The following FAM227B variants were observed in gnomAD, a reference collection of about 807,000 sequenced individuals.
The protein encoded by FAM227B is protein FAM227B.
Under a neutral mutation model 73.8 loss-of-function variants are expected in FAM227B, and 88 were observed. The observed-to-expected ratio is 1.19, with a 90% CI of 1.00 to 1.42. FAM227B has a LOEUF of 1.42. FAM227B is among the 40% of genes most tolerant of loss of function. FAM227B has a pLI of 0.00. For synonymous variants in FAM227B, 210 were observed against 190.5 expected, an observed-to-expected ratio of 1.10 and a Z score of -0.84; for missense variants, 632 against 590.9, an observed-to-expected ratio of 1.07 and a Z score of -0.72.
At chr15:49,577,165 C>T in intron 6 of FAM227B, 1 of 283,028 alleles carries the variant, frequency 3.5e-6, no homozygotes, top group Non-Finnish European at 6.9e-6. Flanking sequence ...GGCGTGGTGG[C>T]ACGTGCCTGT....
At chr15:49,364,486 C>G (rs1175806903) in intron 13 of FAM227B, among the ~76,000 whole-genome samples, 6 of 151,580 alleles carry the variant, frequency 4.0e-5, no homozygotes, top group Non-Finnish European at 8.9e-5. Context: ...GTGTTTATTT[C>G]TATATATTAT....
At chr15:49,516,176 G>T (rs2059365609) in intron 10 of FAM227B, among the ~76,000 whole-genome samples, 1 of 151,910 alleles carries the variant, frequency 6.6e-6, no homozygotes, top group Admixed American at 6.6e-5. Context: ...ATAGAGTAGG[G>T]GCTTTATCCC....
At chr15:49,585,627 G>A (rs1007566303) in intron 5 of FAM227B, among the ~76,000 whole-genome samples, 2 of 152,008 alleles carry the variant, frequency 1.3e-5, no homozygotes, top group Non-Finnish European at 2.9e-5. Context: ...TCACTTATAG[G>A]TGGGAATTGA....
intron 11 of FAM227B, among the ~76,000 whole-genome samples, chr15:49,475,257 G>A (rs1463626179): frequency 6.6e-6 from 1 of 152,154 alleles, no homozygotes; most frequent in Admixed American, 6.6e-5. Flanking sequence ...TTGGCAATTA[G>A]GAGTTTATTC....
chr15:49,617,354 T>A (rs2078355862), intron 1 of FAM227B, among the ~76,000 whole-genome samples: 1 of 152,112 alleles, frequency 6.6e-6, no homozygotes, highest in Middle Eastern at 3.4e-3. Flanking sequence ...AGATAATGCA[T>A]CCCTGAAACC....
At chr15:49,487,360 A>G (rs1380289236) in intron 11 of FAM227B, 1 of 151,994 alleles carries the variant, frequency 6.6e-6, no homozygotes, top group African/African-American at 2.4e-5. Flanking sequence ...TGATAACAAA[A>G]GTAAACAAAA....
At chr15:49,519,609 T>A (rs1337137072) in intron 10 of FAM227B, among the ~76,000 whole-genome samples, 1 of 152,024 alleles carries the variant, frequency 6.6e-6, no homozygotes, top group African/African-American at 2.4e-5. Context: ...GATCTGTACA[T>A]TGTATTTTGG....
intron 11 of FAM227B, among the ~76,000 whole-genome samples, chr15:49,481,746 T>C (rs1422547677): frequency 6.6e-6 from 1 of 152,228 alleles, no homozygotes; most frequent in Non-Finnish European, 1.5e-5. Context: ...TTAATAAATA[T>C]ATAAAAGATT....
At chr15:49,600,895 A>G (rs1019099497) in intron 3 of FAM227B, among the ~76,000 whole-genome samples, 2 of 151,200 alleles carry the variant, frequency 1.3e-5, no homozygotes, top group African/African-American at 4.9e-5. Context: ...ACCAAAAATT[A>G]GCTGGGTGTG....
At chr15:49,595,281 G>T (rs2076823761) in intron 3 of FAM227B, among the ~76,000 whole-genome samples, 1 of 151,918 alleles carries the variant, frequency 6.6e-6, no homozygotes, top group Non-Finnish European at 1.5e-5. Context: ...CTACTGATTT[G>T]TATACACTGA....
At chr15:49,475,402 T>C (rs1383463408) in intron 11 of FAM227B, among the ~76,000 whole-genome samples, 1 of 152,198 alleles carries the variant, frequency 6.6e-6, no homozygotes, top group African/African-American at 2.4e-5. Context: ...GGTAGTCCTT[T>C]GAAAAGATTT....
intron 13 of FAM227B, among the ~76,000 whole-genome samples, chr15:49,355,050 TAACA>T (rs1596453878): frequency 6.6e-6 from 1 of 150,762 alleles, no homozygotes; most frequent in Non-Finnish European, 1.5e-5. Context: ...GAAGGAAAAC[TAACA>T]AACAGAAAGG....
At chr15:49,619,022 G>A (rs192175601) in intron 1 of FAM227B, among the ~76,000 whole-genome samples, 222 of 152,250 alleles carry the variant, frequency 1.5e-3, no homozygotes, top group African/African-American at 5.1e-3. Context: ...CATTTTTAGA[G>A]TTAACCTTGG....
chr15:49,439,125 A>G (rs1485773428), intron 11 of FAM227B, among the ~76,000 whole-genome samples: 1 of 151,590 alleles, frequency 6.6e-6, no homozygotes, highest in Non-Finnish European at 1.5e-5. Flanking sequence ...GATCTATATA[A>G]AGCATTCTCA....
intron 14 of FAM227B, chr15:49,334,150 T>G (rs2039295263): frequency 1.2e-5 from 7 of 590,326 alleles, no homozygotes; most frequent in Admixed American, 6.3e-5. Context: ...TGCAGTTTTG[T>G]GGTTTTATGT....
intron 1 of FAM227B, 58 bp downstream of exon 1, chr15:49,620,642 C>T (rs2078649075): frequency 6.6e-6 from 1 of 152,208 alleles, no homozygotes; most frequent in African/African-American, 2.4e-5. Flanking sequence ...ATCAAAATAT[C>T]TTTGAGGTGG....
At chr15:49,465,304 C>CT (rs67362920) in intron 11 of FAM227B, among the ~76,000 whole-genome samples, 52,789 of 140,514 alleles carry the variant, frequency 0.38, 11,338 homozygotes, top group East Asian at 0.55. Context: ...TTTTCTTTTT[C>CT]TTTTTTTTTT....
chr15:49,369,446 G>A (rs118114948), intron 12 of FAM227B, among the ~76,000 whole-genome samples: 2,057 of 152,148 alleles, frequency 0.014, 20 homozygotes, highest in Non-Finnish European at 0.019. Flanking sequence ...AGTCAACCTA[G>A]CCTAAATTCA....
chr15:49,405,763 A>C (rs531282874), intron 11 of FAM227B, among the ~76,000 whole-genome samples: 1 of 152,258 alleles, frequency 6.6e-6, no homozygotes, highest in South Asian at 2.1e-4. Context: ...CAGCCATCTC[A>C]GCCTGGTTCA....
Sources: allele counts gnomAD v4.1 joint callset (sites outside exome capture counted in the v4.1 genomes callset), GRCh38; gene constraint gnomAD v4.1.1; transcripts MANE v1.5; gene names NCBI Gene and HGNC (gene_info 2026-07-23, HGNC 2026-07-21).